Variants in ACAP2 observed in about 807,000 individuals in gnomAD.
ACAP2 encodes the protein ArfGAP with coiled-coil, ankyrin repeat and PH domains 2.
In ACAP2, 39 loss-of-function variants were observed where a neutral mutation model predicts 115.8. The ratio of observed to expected loss-of-function variants is 0.34; its 90% confidence interval spans 0.26 to 0.44. The LOEUF (loss-of-function observed/expected upper bound fraction) is 0.44. Among genes scored for constraint, ACAP2 ranks in the 20% least tolerant of loss-of-function variants. The pLI, the probability that ACAP2 is intolerant of heterozygous loss-of-function variation, is 1.00. For missense variants in ACAP2, 662 were observed against 927.6 expected (o/e 0.71, Z 3.72); for synonymous variants, 289 against 315.8 (o/e 0.92, Z 0.90).
intron 2 of ACAP2, among the ~76,000 whole-genome samples, chr3:195,384,295 GAGAC>G (rs1457885640): frequency 6.6e-6 from 1 of 152,098 alleles, no homozygotes; most frequent in African/African-American, 2.4e-5. Context: ...TTTTTAAAAT[GAGAC>G]AGCTCTATAA....
rs191588159 is a variant in ACAP2 at position 195,414,730 on chromosome 3, T to C, written c.54-22583A>G. On this transcript the variant is annotated intron_variant, in intron 1 of 22. Transcript: ENST00000326793. ...TCAAAGAAAATGATCACTAGAGTAT[T>C]TCAGATTTTGAATTCATGGATTAGA... is the stretch of plus-strand genomic sequence containing the variant. Among the ~76,000 whole-genome samples the C allele has an allele frequency of 1.9e-4, 29 of 152,312 alleles. 2 individuals carry two copies. The East Asian group carries it at 5.4e-3, about 28-fold the overall frequency.
intron 1 of ACAP2, among the ~76,000 whole-genome samples, chr3:195,418,698 G>T (rs2108827763): frequency 6.6e-6 from 1 of 152,272 alleles, no homozygotes; most frequent in South Asian, 2.1e-4. Context: ...CCCAAGTGCT[G>T]GGATTACAGG....
chr3:195,321,221 T>A (rs1424965755), intron 9 of ACAP2, among the ~76,000 whole-genome samples: 1 of 143,102 alleles, frequency 7.0e-6, no homozygotes, highest in Non-Finnish European at 1.5e-5. Context: ...CACAACTTTT[T>A]TTTTTTTTTT....
At position 195,279,260 on chromosome 3, in the gene ACAP2, A is replaced by T; in HGVS notation, c.*68T>A. 3 of 1,021,186 alleles carry T rather than the reference A, an allele frequency of 2.9e-6. No homozygotes were observed. The highest frequency in any genetic ancestry group is 1.5e-5 in the South Asian group (1 of 65,500). 63.3% of individuals were successfully genotyped at this position (1,021,186 alleles called of 1,614,324 possible). ...TAAGTAGAATTAAAGCAGTAAAAAA[A>T]TTGTGATTTTTTAGCTGTATACATT... On this transcript the variant is annotated 3_prime_UTR_variant, in exon 23 of 23. Coordinates refer to ENST00000326793, the MANE Select transcript of ACAP2 (RefSeq NM_012287.6).
rs760391141 is a variant in ACAP2 at position 195,295,816 on chromosome 3, G to T, written c.1564C>A (p.Pro522Thr). The stretch of plus-strand genomic sequence containing the variant: ...ACAAACTTTTTTTGCTGCTCAGGAG[G>T]TGATAATGATATAGAATATTTATCC... ...FVDKYSISLS[P>T]PEQQKKFVSK... Residue 522 changes from proline to threonine, a missense_variant, in exon 17 of 23, where the codon CCT becomes ACT. Transcript: ENST00000326793. 10 of 1,613,860 alleles carry T rather than the reference G, an allele frequency of 6.2e-6. No homozygotes were observed. Among genetic ancestry groups the T allele is most frequent in the Non-Finnish European group, 7.6e-6 (9 of 1,179,960 alleles).
At chr3:195,360,470 G>A (rs140450844) in intron 4 of ACAP2, among the ~76,000 whole-genome samples, 6 of 152,298 alleles carry the variant, frequency 3.9e-5, no homozygotes, top group South Asian at 2.1e-4. Flanking sequence ...AGATCATCCA[G>A]ACAGAAAATC....
intron 9 of ACAP2, among the ~76,000 whole-genome samples, chr3:195,326,141 A>G (rs1729779394): frequency 6.6e-6 from 1 of 152,224 alleles, no homozygotes; most frequent in South Asian, 2.1e-4. Context: ...TTACTGCTCA[A>G]TACCAAGAAA....
intron 21 of ACAP2, among the ~76,000 whole-genome samples, chr3:195,286,506 C>A (rs1726855672): frequency 6.6e-6 from 1 of 152,148 alleles, no homozygotes; most frequent in Non-Finnish European, 1.5e-5. Flanking sequence ...GTTTGGTACC[C>A]CTCTCCTACT....
Position 195,277,735 on chromosome 3 carries a change from T to C in ACAP2, c.*1593A>G, listed in dbSNP as rs1489587641. The C allele has an allele frequency of 6.6e-6, 1 of 152,192 alleles. No homozygotes were observed. Among genetic ancestry groups the C allele is most frequent in the Non-Finnish European group, 1.5e-5 (1 of 68,046 alleles). 9.4% of individuals were successfully genotyped at this position (152,192 alleles called of 1,614,324 possible). On this transcript the variant is annotated 3_prime_UTR_variant, in exon 23 of 23. Coordinates refer to ENST00000326793, the MANE Select transcript of ACAP2 (RefSeq NM_012287.6). ...GAGTATCAATAATATCATTTACATA[T>C]AATTTCTAAAAGAAGAATAGACTTA...
intron 2 of ACAP2, 136 bp downstream of exon 2, chr3:195,391,954 C>T: frequency 1.6e-6 from 1 of 642,968 alleles, no homozygotes; most frequent in Non-Finnish European, 2.7e-6. Context: ...GAGATCATGC[C>T]ACTGCACTTC....
intron 1 of ACAP2, among the ~76,000 whole-genome samples, chr3:195,423,622 CAAAAAAAA>C: frequency 1.1e-5 from 1 of 92,632 alleles, no homozygotes; most frequent in South Asian, 3.3e-4. Flanking sequence ...GACTCCGTCT[CAAAAAAAA>C]AAAAAAAAAA....
chr3:195,328,413 G>C (rs1434377998), intron 8 of ACAP2, among the ~76,000 whole-genome samples: 2 of 151,784 alleles, frequency 1.3e-5, no homozygotes, highest in Non-Finnish European at 2.9e-5. Flanking sequence ...TAGTAATAAA[G>C]ATTAACCAAA....
chr3:195,368,992 G>A (rs542341643), intron 4 of ACAP2, among the ~76,000 whole-genome samples: 11 of 152,110 alleles, frequency 7.2e-5, no homozygotes, highest in African/African-American at 2.4e-4. Flanking sequence ...GCTGAGGCGG[G>A]AGAATCACTT....
At chr3:195,357,001 G>A (rs1428390902) in intron 4 of ACAP2, among the ~76,000 whole-genome samples, 3 of 151,960 alleles carry the variant, frequency 2.0e-5, no homozygotes, top group African/African-American at 7.3e-5. Context: ...CTCAAACATA[G>A]TTGGGAGGAG....
chr3:195,373,248 T>G (rs895879931), intron 4 of ACAP2, among the ~76,000 whole-genome samples: 1 of 151,974 alleles, frequency 6.6e-6, no homozygotes, highest in Non-Finnish European at 1.5e-5. Context: ...ATAAAAAATT[T>G]ATTTGGAAAA....
intron 6 of ACAP2, among the ~76,000 whole-genome samples, chr3:195,341,965 G>A (rs780660936): frequency 6.6e-6 from 1 of 152,036 alleles, no homozygotes; most frequent in African/African-American, 2.4e-5. Flanking sequence ...ATACAGAGTG[G>A]TGTAATGTGC....
At chr3:195,432,819 TGGGATG>T (rs1577476752) in intron 1 of ACAP2, among the ~76,000 whole-genome samples, 1 of 152,250 alleles carries the variant, frequency 6.6e-6, no homozygotes, top group East Asian at 1.9e-4. Flanking sequence ...TCCATGAACA[TGGGATG>T]TATTTCCATT....
chr3:195,319,989 G>A (rs139133716), intron 10 of ACAP2, among the ~76,000 whole-genome samples: 337 of 152,170 alleles, frequency 2.2e-3, no homozygotes, highest in African/African-American at 7.9e-3. Flanking sequence ...TCATGGGAGC[G>A]GTTTCCCCCA....
chr3:195,345,462 A>G, intron 4 of ACAP2, 145 bp from the exon 5 acceptor site: 1 of 565,190 alleles, frequency 1.8e-6, no homozygotes, highest in Non-Finnish European at 3.1e-6. Flanking sequence ...AGAAATAACC[A>G]TTTAAAAATA....
Sources: gnomAD v4.1 joint callset for allele counts (sites outside exome capture counted in the v4.1 genomes callset) on GRCh38, gnomAD v4.1.1 for gene constraint, MANE v1.5 for transcripts, NCBI Gene and HGNC (gene_info 2026-07-23, HGNC 2026-07-21) for gene names.